The following STPG2 variants were observed in gnomAD, a reference collection of about 807,000 sequenced individuals.
STPG2 encodes sperm tail PG-rich repeat containing 2.
Under a neutral mutation model 54.2 loss-of-function variants are expected in STPG2, and 56 were observed. The ratio of observed to expected loss-of-function variants is 1.03; its 90% CI spans 0.83 to 1.29. The LOEUF is 1.29. Among genes scored for constraint, STPG2 ranks in the 50% most tolerant of loss-of-function variants. The pLI, the probability that STPG2 is intolerant of heterozygous loss-of-function variation, is 0.00. For missense variants in STPG2, 596 were observed against 544.9 expected (o/e 1.09, Z -0.93); for synonymous variants, 200 against 181.8 (o/e 1.10, Z -0.81).
At chr4:97,865,386 C>T (rs951389432) in intron 8 of STPG2, among the ~76,000 whole-genome samples, 8 of 151,822 alleles carry the variant, frequency 5.3e-5, no homozygotes, top group Admixed American at 1.3e-4. Flanking sequence ...ATCAATACCA[C>T]AATATCATCT....
At chr4:97,556,396 A>G (rs543764475), downstream of STPG2, among the ~76,000 whole-genome samples, 32 of 152,334 alleles carry the variant, frequency 2.1e-4, no homozygotes, top group African/African-American at 7.7e-4. Context: ...TCTAACTTAT[A>G]AGAAAATGTG....
intron 4 of STPG2, among the ~76,000 whole-genome samples, chr4:97,451,768 ATATCT>A (rs1172585816): frequency 1.3e-5 from 2 of 152,152 alleles, no homozygotes; most frequent in East Asian, 3.9e-4. Flanking sequence ...TCTCCATCTG[ATATCT>A]TATTGTTTTT....
At chr4:97,970,760 C>A (rs1455287216) in intron 7 of STPG2, among the ~76,000 whole-genome samples, 1 of 152,170 alleles carries the variant, frequency 6.6e-6, no homozygotes, top group Non-Finnish European at 1.5e-5. Context: ...GCAAGGACTT[C>A]ATGTCTAAAA....
intron 10 of STPG2, among the ~76,000 whole-genome samples, chr4:97,674,881 A>G (rs10856927): frequency 0.54 from 81,697 of 152,018 alleles, 22,638 homozygotes; most frequent in South Asian, 0.67. Context: ...AAGCATTTGA[A>G]GGAAGAAATC....
intron 4 of STPG2, among the ~76,000 whole-genome samples, chr4:97,450,797 ATAT>A (rs1446283936): frequency 6.6e-6 from 1 of 152,094 alleles, no homozygotes; most frequent in Non-Finnish European, 1.5e-5. Flanking sequence ...AGTTTTTAAG[ATAT>A]TATTGCTTTT....
intron 9 of STPG2, among the ~76,000 whole-genome samples, chr4:97,745,592 G>C (rs1725399694): frequency 6.6e-6 from 1 of 151,006 alleles, no homozygotes; most frequent in South Asian, 2.1e-4. Context: ...AAAATTAATA[G>C]TCATAAATAA....
chr4:97,844,844 A>G (rs1437716771), intron 8 of STPG2, among the ~76,000 whole-genome samples: 1 of 151,970 alleles, frequency 6.6e-6, no homozygotes, highest in Admixed American at 6.6e-5. Context: ...ACAGGTCTCA[A>G]ACTACTCGTA....
chr4:97,568,317 A>C (rs1242964562), intron 10 of STPG2, among the ~76,000 whole-genome samples: 1 of 152,192 alleles, frequency 6.6e-6, no homozygotes, highest in Non-Finnish European at 1.5e-5. Context: ...AAGTGAATAA[A>C]TGTGTTGTTG....
chr4:97,944,032 A>T (rs1733105200), intron 7 of STPG2, 25 bp from the exon 8 acceptor site: 6 of 1,465,106 alleles, frequency 4.1e-6, no homozygotes, highest in Non-Finnish European at 5.7e-6. Context: ...GGTTAAAAAG[A>T]GTACATCATT....
At chr4:97,945,312 T>C (rs1312958174) in intron 7 of STPG2, among the ~76,000 whole-genome samples, 1 of 152,150 alleles carries the variant, frequency 6.6e-6, no homozygotes, top group Non-Finnish European at 1.5e-5. Context: ...CATACAGTAT[T>C]TGGTTTTTCA....
At chr4:98,022,836 A>G (rs1011798643) in intron 5 of STPG2, among the ~76,000 whole-genome samples, 11 of 151,944 alleles carry the variant, frequency 7.2e-5, no homozygotes, top group Non-Finnish European at 1.5e-4. Flanking sequence ...TGCATTCTTC[A>G]CGTAGTTCTC....
intron 9 of STPG2, among the ~76,000 whole-genome samples, chr4:97,725,039 T>C (rs1231515337): frequency 6.6e-6 from 1 of 152,130 alleles, no homozygotes; most frequent in Non-Finnish European, 1.5e-5. Flanking sequence ...CTAGGCAGTT[T>C]AGAATGCAAT....
At chr4:98,036,053 C>T (rs1736768393) in intron 5 of STPG2, among the ~76,000 whole-genome samples, 1 of 151,846 alleles carries the variant, frequency 6.6e-6, no homozygotes, top group Admixed American at 6.6e-5. Flanking sequence ...CTGTAACAAA[C>T]CTACATGTTC....
chr4:97,459,615 G>A (rs1380954508), intron 4 of STPG2, among the ~76,000 whole-genome samples: 1 of 151,830 alleles, frequency 6.6e-6, no homozygotes, highest in Non-Finnish European at 1.5e-5. Context: ...AATTTTTGTT[G>A]TATTTTTAGT....
intron 10 of STPG2, among the ~76,000 whole-genome samples, chr4:97,668,665 A>AAGGG (rs139501472): frequency 5.4e-5 from 8 of 147,716 alleles, no homozygotes. Context: ...GGAAGGAAAG[A>AAGGG]AGGGAGGGAG....
chr4:97,730,699 G>A (rs990785457), intron 9 of STPG2, among the ~76,000 whole-genome samples: 2 of 152,126 alleles, frequency 1.3e-5, no homozygotes, highest in Non-Finnish European at 2.9e-5. Flanking sequence ...ACATAGTTCT[G>A]AAAGGTTTTG....
chr4:97,955,796 C>G (rs760561191), intron 7 of STPG2, among the ~76,000 whole-genome samples: 5 of 152,102 alleles, frequency 3.3e-5, no homozygotes, highest in Non-Finnish European at 5.9e-5. Context: ...GGACAGCTTA[C>G]TTCTCAATGG....
chr4:97,576,979 C>T (rs1000044984), intron 10 of STPG2, among the ~76,000 whole-genome samples: 1 of 152,070 alleles, frequency 6.6e-6, no homozygotes, highest in Admixed American at 6.6e-5. Flanking sequence ...TACCAATAAA[C>T]ATATGAAAAA....
chr4:97,888,271 G>A (rs540719905), intron 8 of STPG2, among the ~76,000 whole-genome samples: 3 of 152,284 alleles, frequency 2.0e-5, no homozygotes, highest in African/African-American at 4.8e-5. Flanking sequence ...TAGATCCACC[G>A]ACAGCTTGTA....
Sources: gnomAD v4.1 joint callset for allele counts (sites outside exome capture counted in the v4.1 genomes callset) on GRCh38, gnomAD v4.1.1 for gene constraint, MANE v1.5 for transcripts, NCBI Gene and HGNC (gene_info 2026-07-23, HGNC 2026-07-21) for gene names.